Variants in LRP1 observed in about 807,000 individuals in gnomAD.
The protein encoded by LRP1 is prolow-density lipoprotein receptor-related protein 1.
In LRP1, 51 loss-of-function variants were observed where a neutral mutation model predicts 541.5. The observed-to-expected ratio is 0.09, with a 90% confidence interval of 0.08 to 0.12. The LOEUF (loss-of-function observed/expected upper bound fraction) is 0.12, where lower values mean the gene tolerates loss of function less well. LRP1 is among the 10% of genes least tolerant of loss of function. The pLI, the probability that LRP1 is intolerant of heterozygous loss-of-function variation, is 1.00. For synonymous variants in LRP1, 2,219 were observed against 2,470.8 expected (o/e 0.90, Z 3.02); for missense variants, 3,878 against 6,376.2 (o/e 0.61, Z 13.34).
chr12:57,195,072 G>A lies in LRP1; in HGVS notation c.8279G>A (p.Gly2760Glu). ...QWLCDGSDDC[G>E]DGSDEAAHCE... ...CTGTGTGACGGCAGCGATGACTGTGGGGATGGCTCAGACGAGGCTGCTCAC... is the reference window on the plus strand; with the variant it reads ...CTGTGTGACGGCAGCGATGACTGTGAGGATGGCTCAGACGAGGCTGCTCAC... Residue 2760 changes from glycine (G) to glutamate (E), a missense_variant, in exon 51 of 89, where the codon GGG (glycine) becomes GAG (glutamate). Physicochemically the swap from Gly to Glu is moderately conservative, Grantham distance 98. This residue lies in a region of LRP1 where 1,100 missense variants were observed against 1,827.4 expected (regional missense o/e 0.60). Transcript: ENST00000243077. The A allele has an allele frequency of 1.2e-6, 2 of 1,614,018 alleles. No individual in the cohort carries two copies. Among genetic ancestry groups the A allele is most frequent in the Non-Finnish European group, 1.7e-6 (2 of 1,179,930 alleles).
At chr12:57,191,933 C>CACACACT (rs1797470702) in intron 44 of LRP1, among the ~76,000 whole-genome samples, 1 of 57,236 alleles carries the variant, frequency 1.7e-5, no homozygotes, top group African/African-American at 1.1e-4. Flanking sequence ...ACACATACCA[C>CACACACT]ACACACACCA....
chr12:57,195,060 G>A lies in LRP1; in HGVS notation c.8267G>A (p.Ser2756Asn). ...CISKQWLCDGSDDCGDGSDEA... is the reference protein window; with the variant it reads ...CISKQWLCDGNDDCGDGSDEA... ...TCCAAGCAGTGGCTGTGTGACGGCA[G>A]CGATGACTGTGGGGATGGCTCAGAC... Residue 2756 changes from serine to asparagine, a missense_variant, in exon 51 of 89, where the codon AGC becomes AAC. By Grantham distance (46) the Ser-to-Asn change is conservative. Around this residue, in one of 13 missense-constraint regions of LRP1, gnomAD observed 1,100 missense variants for 1,827.4 expected, o/e 0.60. Coordinates refer to ENST00000243077, the MANE Select transcript of LRP1 (RefSeq NM_002332.3). 2 of 1,614,020 alleles carry A rather than the reference G, an allele frequency of 1.2e-6. No homozygotes were observed. Among genetic ancestry groups the A allele is most frequent in the African/African-American group, 1.3e-5 (1 of 75,038 alleles).
chr12:57,154,685 T>C lies in LRP1; in HGVS notation c.1211T>C (p.Ile404Thr), dbSNP rs773827742. ...VDYEGKGRQTIIQGILIEHLY... is the reference protein window; with the variant it reads ...VDYEGKGRQTTIQGILIEHLY... ...TATGAGGGCAAGGGCCGCCAGACCA[T>C]CATCCAGGGCATCCTGGTGAGGGAG... is the stretch of plus-strand genomic sequence containing the variant. Residue 404 changes from isoleucine (I) to threonine (T), a missense_variant, in exon 8 of 89, where the codon ATC (isoleucine) becomes ACC (threonine). Physicochemically the swap from Ile to Thr is moderately conservative, Grantham distance 89 (BLOSUM62 -1). This residue lies in a region of LRP1 where 496 missense variants were observed against 861.0 expected (regional missense o/e 0.58). Coordinates refer to ENST00000243077, the MANE Select transcript of LRP1 (RefSeq NM_002332.3). This position sits in a 1 kb window ranked among gnomAD's most constrained non-coding sequence, Gnocchi z 4.6. The C allele has an allele frequency of 4.5e-6, 7 of 1,562,832 alleles. No homozygotes were observed. The highest frequency in any genetic ancestry group is 5.2e-6 in the Non-Finnish European group (6 of 1,153,258).
rs898655505 is a variant in LRP1 at position 57,189,114 on chromosome 12, C to T, written c.7031+1658C>T. Among the ~76,000 whole-genome samples, 6 of 152,184 alleles carry T rather than the reference C, an allele frequency of 3.9e-5. No individual in the cohort carries two copies. The highest frequency in any genetic ancestry group is 1.2e-4 in the African/African-American group (5 of 41,438). ...CTCACAGTAGGATAGTTAGAAGGTC[C>T]GCCATGTTCCTGGACACTGAGCACC... On this transcript the variant is annotated intron_variant, in intron 42 of 88. Transcript: ENST00000243077. This position sits in a 1 kb window ranked among gnomAD's most constrained non-coding sequence, Gnocchi z 4.4.
Position 57,201,953 on chromosome 12 carries a change from A to G in LRP1, c.10594+48A>G, listed in dbSNP as rs756622230. 6.2e-7 allele frequency: 1 copy of G among 1,608,242 alleles called. No homozygotes were observed. The highest frequency in any genetic ancestry group is 2.2e-5 in the East Asian group (1 of 44,704). ...GAGGAAGACAGTCTACCTGGGTGGG[A>G]GGCATGGCACCCCTGGCAGGTGGAG... On this transcript the variant is annotated intron_variant, in intron 67 of 88. Transcript: ENST00000243077. This position sits in a 1 kb window ranked among gnomAD's most constrained non-coding sequence, Gnocchi z 6.4.
Position 57,204,592 on chromosome 12 carries a change from C to CT in LRP1, c.11072-34dup. ...CCAGCAACCACCCCCACTCCCAAGA[C>CT]TAATTCTGGCTCTGTGTCCCCCTGG... On this transcript the variant is annotated intron_variant, in intron 71 of 88. Transcript: ENST00000243077. This position sits in a 1 kb window ranked among gnomAD's most constrained non-coding sequence, Gnocchi z 5.3. 1 of 1,612,484 alleles carries CT rather than the reference C, an allele frequency of 6.2e-7. No homozygotes were observed. The highest frequency in any genetic ancestry group is 1.3e-5 in the African/African-American group (1 of 75,026).
chr12:57,163,515 G>T (rs999660977), intron 15 of LRP1, among the ~76,000 whole-genome samples: 3 of 151,638 alleles, frequency 2.0e-5, no homozygotes, highest in Non-Finnish European at 2.9e-5. Context: ...GGAGGCAAAG[G>T]TTGCAGTGGG....
At chr12:57,175,330 C>T (rs1041808050) in intron 22 of LRP1, 130 bp from the exon 23 acceptor site, 13 of 1,074,148 alleles carry the variant, frequency 1.2e-5, no homozygotes, top group African/African-American at 7.9e-5. Context: ...GGAATGGAGA[C>T]GAATGGGGCC....
At chr12:57,130,760 A>G (rs935045691) in intron 1 of LRP1, among the ~76,000 whole-genome samples, 6 of 152,142 alleles carry the variant, frequency 3.9e-5, no homozygotes, top group African/African-American at 1.4e-4. Context: ...AGGGCTCTAA[A>G]GGAGTTCTAT....
At chr12:57,138,715 C>T in intron 2 of LRP1, 134 bp downstream of exon 2, 1 of 1,262,948 alleles carries the variant, frequency 7.9e-7, no homozygotes, top group Admixed American at 2.3e-5. Context: ...GTCCATGACA[C>T]AGCTAAAACT....
intron 62 of LRP1, 75 bp from the exon 63 acceptor site, chr12:57,200,367 C>A: frequency 2.1e-6 from 2 of 934,826 alleles, no homozygotes; most frequent in Non-Finnish European, 3.5e-6. Flanking sequence ...TTTGAAACAT[C>A]CAAGCCCCTC....
chr12:57,161,183 G>A, intron 13 of LRP1, 68 bp downstream of exon 13: 1 of 1,477,934 alleles, frequency 6.8e-7, no homozygotes, highest in Non-Finnish European at 9.3e-7. Flanking sequence ...GCGTGGATGA[G>A]GTTCTGTGTG....
Position 57,211,878 on chromosome 12 carries a change from C to T in LRP1, c.13259-49C>T, listed in dbSNP as rs1226588690. On this transcript the variant is annotated intron_variant, in intron 86 of 88. Transcript: ENST00000243077. The surrounding 1 kb of genome is among the most constrained non-coding windows in gnomAD (Gnocchi z 4.3). ...CCTAGAGCAGGGGGACCGTGTGCCT[C>T]CTGCTTCCCTGAGCCTTGGTGACTC... The T allele has an allele frequency of 1.9e-6, 3 of 1,613,638 alleles. No homozygotes were observed. Among genetic ancestry groups the T allele is most frequent in the Non-Finnish European group, 2.5e-6 (3 of 1,179,694 alleles).
intron 6 of LRP1, among the ~76,000 whole-genome samples, chr12:57,147,247 G>C (rs1206130677): frequency 2.0e-5 from 3 of 151,944 alleles, no homozygotes; most frequent in African/African-American, 7.3e-5. Flanking sequence ...CCACGTCCCT[G>C]CCGCCTGAAT....
chr12:57,163,870 T>C (rs1283181465), intron 15 of LRP1, among the ~76,000 whole-genome samples: 1 of 152,138 alleles, frequency 6.6e-6, no homozygotes, highest in African/African-American at 2.4e-5. Flanking sequence ...TTGTGTTCAT[T>C]GTAAAACGGA....
At position 57,210,326 on chromosome 12, in the gene LRP1, T is replaced by C. The variant is rs1555188908; in HGVS notation, c.12600T>C (p.Cys4200=). The C allele has an allele frequency of 6.4e-7, 1 of 1,566,718 alleles. No homozygotes were observed. The highest frequency in any genetic ancestry group is 1.4e-5 in the African/African-American group (1 of 73,782). ...PPPDAPRPGT[C]NLQCFNGGSC... ...CTGCAGCTCCCCGGCCTGGAACCTG[T>C]AACCTGCAGTGCTTCAACGGTGGCA... The change falls in exon 82 of 89, where the codon TGT becomes TGC. Residue 4200 remains cysteine (C), a synonymous_variant. Transcript: ENST00000243077.
rs2035760586 is a variant in LRP1, at chr12:57,162,695, T to C, written c.2405-163T>C. 6.6e-6 allele frequency among the ~76,000 whole-genome samples: 1 copy of C among 152,176 alleles called. No homozygotes were observed. Among genetic ancestry groups the C allele is most frequent in the Non-Finnish European group, 1.5e-5 (1 of 68,026 alleles). On this transcript the variant is annotated intron_variant, in intron 14 of 88. Transcript: ENST00000243077. The surrounding 1 kb of genome is among the most constrained non-coding windows in gnomAD (Gnocchi z 5.2). ...TCTGATTCTCTGTTCCCCATTTCCCTTCCTGCCCCATGTCTGTGTCTCCTG... is the reference window on the plus strand; with the variant it reads ...TCTGATTCTCTGTTCCCCATTTCCCCTCCTGCCCCATGTCTGTGTCTCCTG...
intron 1 of LRP1, 99 bp from the exon 2 acceptor site, chr12:57,138,360 G>A: frequency 1.4e-6 from 2 of 1,447,012 alleles, no homozygotes; most frequent in Non-Finnish European, 1.9e-6. Flanking sequence ...GCCAGATGGA[G>A]ACTGATGCTA....
At position 57,203,498 on chromosome 12, in the gene LRP1, A is replaced by G. The variant is rs1444660169; in HGVS notation, c.10928A>G (p.Asp3643Gly). ...GACGCCGACTGCATGGACGGCAGCG[A>G]CGAGGAGGCCTGCGGCACTGGCGGT... is the stretch of plus-strand genomic sequence containing the variant. ...DADADCMDGSDEEACGTGVRT... is the reference protein window; with the variant it reads ...DADADCMDGSGEEACGTGVRT... Residue 3643 changes from aspartate (D) to glycine (G), a missense_variant, in exon 70 of 89, where the codon GAC (aspartate) becomes GGC (glycine). By Grantham distance (94) the Asp-to-Gly change is moderately conservative (BLOSUM62 -1). Around this residue, in one of 13 missense-constraint regions of LRP1, gnomAD observed 278 missense variants for 536.3 expected, o/e 0.52. Transcript: ENST00000243077. 6.4e-7 allele frequency: 1 copy of G among 1,557,968 alleles called. No individual in the cohort carries two copies. The highest frequency in any genetic ancestry group is 8.7e-7 in the Non-Finnish European group (1 of 1,149,642).
Sources: allele counts gnomAD v4.1 joint callset (sites outside exome capture counted in the v4.1 genomes callset), GRCh38; gene constraint gnomAD v4.1.1; regional missense constraint gnomAD v4.1.1; non-coding constraint Gnocchi (gnomAD v3.1); transcripts MANE v1.5; gene names NCBI Gene and HGNC (gene_info 2026-07-23, HGNC 2026-07-21).